The following ADCY5 variants were observed in gnomAD, a reference collection of about 807,000 sequenced individuals.
ADCY5 encodes the protein adenylate cyclase 5.
In ADCY5, 30 loss-of-function variants were observed where a neutral mutation model predicts 119.7. The observed-to-expected ratio is 0.25, with a 90% CI of 0.19 to 0.34. The LOEUF (loss-of-function observed/expected upper bound fraction) is 0.34, where lower values mean the gene tolerates loss of function less well. Among genes scored for constraint, ADCY5 ranks in the 10% least tolerant of loss-of-function variants. ADCY5 has a pLI of 1.00. For missense variants in ADCY5, 1,324 were observed against 1,775.2 expected (o/e 0.75, Z 4.57); for synonymous variants, 753 against 762.2 (o/e 0.99, Z 0.20).
At chr3:123,356,506 C>T (rs1943042894) in intron 1 of ADCY5, among the ~76,000 whole-genome samples, 1 of 152,070 alleles carries the variant, frequency 6.6e-6, no homozygotes, top group African/African-American at 2.4e-5. Context: ...AAAAGTGGTG[C>T]TAGAACAATT....
chr3:123,433,600 G>A (rs1945558745), intron 1 of ADCY5, among the ~76,000 whole-genome samples: 1 of 152,206 alleles, frequency 6.6e-6, no homozygotes, highest in Non-Finnish European at 1.5e-5. Flanking sequence ...TTCTTAGGGT[G>A]TTGATGGTGC....
intron 1 of ADCY5, among the ~76,000 whole-genome samples, chr3:123,369,165 G>C (rs1254605385): frequency 7.5e-6 from 1 of 133,626 alleles, no homozygotes; most frequent in African/African-American, 2.5e-5. Context: ...TTTATAAGAA[G>C]AGGAGAAGAG....
At chr3:123,391,724 G>A (rs1039725578) in intron 1 of ADCY5, among the ~76,000 whole-genome samples, 2 of 152,208 alleles carry the variant, frequency 1.3e-5, no homozygotes, top group Non-Finnish European at 2.9e-5. Flanking sequence ...AACACAGGCA[G>A]GCCCTGCAAC....
chr3:123,297,782 G>A (rs1326958321), intron 15 of ADCY5, among the ~76,000 whole-genome samples: 1 of 152,214 alleles, frequency 6.6e-6, no homozygotes, highest in Non-Finnish European at 1.5e-5. Context: ...CCTCAACATG[G>A]GGCTGGTGCA....
chr3:123,346,486 T>C (rs922372583), intron 3 of ADCY5, among the ~76,000 whole-genome samples: 1 of 152,186 alleles, frequency 6.6e-6, no homozygotes, highest in Non-Finnish European at 1.5e-5. Flanking sequence ...GAGAGACAGA[T>C]GGAAGACATG....
At chr3:123,314,206 G>A (rs748695856) in intron 12 of ADCY5, 29 bp downstream of exon 12, 2 of 1,573,354 alleles carry the variant, frequency 1.3e-6, no homozygotes, top group Non-Finnish European at 1.7e-6. Flanking sequence ...GAAGAAGGTG[G>A]CTGCAACCCA....
chr3:123,316,378 G>A (rs1940912482), intron 11 of ADCY5, among the ~76,000 whole-genome samples: 1 of 152,132 alleles, frequency 6.6e-6, no homozygotes, highest in African/African-American at 2.4e-5. Flanking sequence ...ACTGGCTCCG[G>A]GAACACAAAC....
intron 17 of ADCY5, among the ~76,000 whole-genome samples, chr3:123,293,533 G>A (rs138023735): frequency 1.1e-4 from 17 of 151,686 alleles, no homozygotes; most frequent in African/African-American, 2.4e-4. Flanking sequence ...CTACACACAC[G>A]CACATGCACA....
At chr3:123,421,078 G>T (rs1183584530) in intron 1 of ADCY5, among the ~76,000 whole-genome samples, 1 of 152,132 alleles carries the variant, frequency 6.6e-6, no homozygotes, top group Non-Finnish European at 1.5e-5. Flanking sequence ...CATTTGCAAA[G>T]ACCCTATTTT....
Position 123,407,097 on chromosome 3 carries a change from C to T in ADCY5, c.1134+40315G>A, listed in dbSNP as rs147035434. 3.5e-4 allele frequency among the ~76,000 whole-genome samples: 53 copies of T among 152,254 alleles called. 1 individual carries two copies. In the East Asian group the frequency reaches 0.01, roughly 29 times the overall value. On this transcript the variant is annotated intron_variant, in intron 1 of 20. Coordinates refer to ENST00000462833, the MANE Select transcript of ADCY5 (RefSeq NM_183357.3). Reference sequence around the variant, plus strand: ...TCCTCTATTCTAGGAACGTGATACCCCCTCAGCTGCCCCTCCTGGCCAAGC... The same window carrying T: ...TCCTCTATTCTAGGAACGTGATACCTCCTCAGCTGCCCCTCCTGGCCAAGC...
rs1381675922 is a variant in ADCY5, at chr3:123,327,587, C to T, written c.1947+31G>A. On this transcript the variant is annotated intron_variant, in intron 7 of 20. Transcript: ENST00000462833. Reference sequence around the variant, plus strand: ...ATGTTCCTCCCTGGAGGAAGGGAGCCCCTCAGCCCCCCGGCCCCCAGCCCA... The same window carrying T: ...ATGTTCCTCCCTGGAGGAAGGGAGCTCCTCAGCCCCCCGGCCCCCAGCCCA... 1.9e-6 allele frequency: 3 copies of T among 1,598,686 alleles called. No individual in the cohort carries two copies. In the South Asian group the frequency reaches 3.4e-5, roughly 18 times the overall value.
intron 1 of ADCY5, among the ~76,000 whole-genome samples, chr3:123,396,021 G>GGAGGGAGAGAGA (rs1944540860): frequency 1.8e-5 from 1 of 54,114 alleles, no homozygotes; most frequent in Non-Finnish European, 4.0e-5. Flanking sequence ...AAAGAGAGAG[G>GGAGGGAGAGAGA]GAGGGAGGGA....
rs533544363 is a variant in ADCY5 at position 123,355,300 on chromosome 3, A to T, written c.1135-2719T>A. 1.0e-3 allele frequency among the ~76,000 whole-genome samples: 154 copies of T among 152,376 alleles called. 1 individual carries two copies. The highest frequency in any genetic ancestry group is 2.1e-3 in the Non-Finnish European group (141 of 68,040). ...TATACAAAAAGCAACCTACTTTTAT[A>T]TATGAGTAAATACCAATTGGAAGTA... On this transcript the variant is annotated intron_variant, in intron 1 of 20. Transcript: ENST00000462833.
intron 8 of ADCY5, 59 bp downstream of exon 8, chr3:123,325,263 C>T (rs927645987): frequency 4.3e-5 from 69 of 1,590,342 alleles, no homozygotes; most frequent in Middle Eastern, 1.8e-4. Flanking sequence ...GGCCTCATGC[C>T]CACAGAAGGC....
chr3:123,314,516 A>G (rs1940790099), intron 11 of ADCY5, among the ~76,000 whole-genome samples, 194 bp from the exon 12 acceptor site: 1 of 152,182 alleles, frequency 6.6e-6, no homozygotes, highest in Admixed American at 6.5e-5. Context: ...AGCCTTTTGC[A>G]CTGACTCCCT....
At chr3:123,317,750 CAAA>C (rs71142731) in intron 11 of ADCY5, among the ~76,000 whole-genome samples, 8 of 133,558 alleles carry the variant, frequency 6.0e-5, no homozygotes, top group Admixed American at 1.5e-4. Context: ...CACGCCGACC[CAAA>C]AAAAAAAAAA....
At chr3:123,442,814 T>C (rs1398407609) in intron 1 of ADCY5, among the ~76,000 whole-genome samples, 1 of 152,082 alleles carries the variant, frequency 6.6e-6, no homozygotes, top group Non-Finnish European at 1.5e-5. Flanking sequence ...CACTCCTAGC[T>C]TTTGGGAGAA....
chr3:123,285,472 G>A (rs1186370475), intron 20 of ADCY5, among the ~76,000 whole-genome samples: 4 of 152,234 alleles, frequency 2.6e-5, no homozygotes, highest in African/African-American at 9.6e-5. Flanking sequence ...AGCATAGCCA[G>A]TGGCTCCTGG....
intron 1 of ADCY5, among the ~76,000 whole-genome samples, chr3:123,379,195 C>CCCCA (rs914388877): frequency 3.3e-5 from 5 of 152,220 alleles, no homozygotes; most frequent in South Asian, 2.1e-4. Context: ...CACTTCACTC[C>CCCCA]CCCACCCACA....
Sources: gnomAD v4.1 joint callset for allele counts (sites outside exome capture counted in the v4.1 genomes callset) on GRCh38, gnomAD v4.1.1 for gene constraint, MANE v1.5 for transcripts, NCBI Gene and HGNC (gene_info 2026-07-23, HGNC 2026-07-21) for gene names.